The following MBD5 variants were observed in gnomAD, a reference collection of about 807,000 sequenced individuals.
The protein encoded by MBD5 is methyl-CpG-binding domain protein 5.
MBD5 carries 13 observed loss-of-function variants against 117.3 expected under a neutral mutation model. That is an observed-to-expected ratio of 0.11 (90% CI 0.07 to 0.18). The LOEUF (loss-of-function observed/expected upper bound fraction) is 0.18, where lower values mean the gene tolerates loss of function less well. Ranked by LOEUF, MBD5 falls within the 10% of genes least tolerant of loss-of-function variation. MBD5 has a pLI of 1.00. For missense variants in MBD5, 1,879 were observed against 2,093.8 expected, an observed-to-expected ratio of 0.90 and a Z score of 2.00; for synonymous variants, 727 against 766.4, an observed-to-expected ratio of 0.95 and a Z score of 0.85.
At chr2:148,067,114 G>A (rs1695220556) in intron 1 of MBD5, among the ~76,000 whole-genome samples, 1 of 152,144 alleles carries the variant, frequency 6.6e-6, no homozygotes, top group Non-Finnish European at 1.5e-5. Flanking sequence ...ACTAATTGAT[G>A]TTGATAAAAG....
At chr2:148,251,822 G>A (rs1700471968) in intron 3 of MBD5, among the ~76,000 whole-genome samples, 1 of 152,136 alleles carries the variant, frequency 6.6e-6, no homozygotes, top group African/African-American at 2.4e-5. Context: ...AAAAAGACAG[G>A]TCATTTTGAG....
At chr2:148,331,323 C>G (rs1016256080) in intron 3 of MBD5, among the ~76,000 whole-genome samples, 5 of 151,798 alleles carry the variant, frequency 3.3e-5, no homozygotes, top group African/African-American at 1.2e-4. Context: ...GTCCCCTGCT[C>G]TAAGCTTCCT....
At chr2:148,210,715 ATAACT>A (rs1443607180) in intron 2 of MBD5, among the ~76,000 whole-genome samples, 4 of 152,230 alleles carry the variant, frequency 2.6e-5, no homozygotes, top group Non-Finnish European at 4.4e-5. Flanking sequence ...ATTATAAAAA[ATAACT>A]TAGATGACTA....
intron 4 of MBD5, among the ~76,000 whole-genome samples, chr2:148,440,587 G>A: frequency 6.7e-6 from 1 of 150,058 alleles, no homozygotes; most frequent in East Asian, 2.0e-4. Context: ...AGTAAAAAAA[G>A]CAAGTTTTTT....
intron 13 of MBD5, among the ~76,000 whole-genome samples, chr2:148,512,549 A>G (rs1165918661): frequency 6.6e-6 from 1 of 152,190 alleles, no homozygotes; most frequent in Non-Finnish European, 1.5e-5. Flanking sequence ...TTTTTGTTTT[A>G]AATGGACAAT....
chr2:148,360,372 G>T (rs945658411), intron 4 of MBD5, among the ~76,000 whole-genome samples: 4 of 151,954 alleles, frequency 2.6e-5, no homozygotes, highest in Non-Finnish European at 4.4e-5. Context: ...TGACCATTCA[G>T]TGTGCACATA....
chr2:148,245,256 C>T (rs1001527285), intron 3 of MBD5, among the ~76,000 whole-genome samples: 1 of 149,982 alleles, frequency 6.7e-6, no homozygotes, highest in East Asian at 2.1e-4. Flanking sequence ...GACAGAGTCT[C>T]GCACTGTTGC....
At chr2:148,445,897 A>AT (rs1188845280) in intron 4 of MBD5, among the ~76,000 whole-genome samples, 2 of 151,098 alleles carry the variant, frequency 1.3e-5, no homozygotes, top group East Asian at 1.9e-4. Flanking sequence ...GATGATGAGC[A>AT]TTTTTTCATG....
chr2:148,260,198 C>T (rs190588768), intron 3 of MBD5, among the ~76,000 whole-genome samples: 64 of 152,358 alleles, frequency 4.2e-4, no homozygotes, highest in Non-Finnish European at 6.3e-4. Context: ...TCAATTCTCT[C>T]AAACCCTGCT....
At chr2:148,121,431 A>G (rs114033295) in intron 1 of MBD5, among the ~76,000 whole-genome samples, 1 of 151,814 alleles carries the variant, frequency 6.6e-6, no homozygotes, top group African/African-American at 2.4e-5. Flanking sequence ...TTTTACAATG[A>G]TATGCATTTC....
chr2:148,163,695 C>T (rs955717580), intron 1 of MBD5, among the ~76,000 whole-genome samples: 7 of 152,126 alleles, frequency 4.6e-5, no homozygotes, highest in Non-Finnish European at 1.0e-4. Flanking sequence ...GATTTACAGG[C>T]GTGAGCCACC....
chr2:148,439,683 A>C (rs1408976172), intron 4 of MBD5, among the ~76,000 whole-genome samples: 1 of 151,348 alleles, frequency 6.6e-6, no homozygotes. Flanking sequence ...CAGAAATGAC[A>C]TTGTTGATGA....
chr2:148,458,359 C>G lies in MBD5; in HGVS notation c.-400C>G, dbSNP rs556112772. ...ACCGACTCACACTGTAAAAATGAGA[C>G]CAGTTTCTAAACAATAGAGATTGTC... On this transcript the variant is annotated 5_prime_UTR_variant, in exon 5 of 14. Coordinates refer to ENST00000642680, the MANE Select transcript of MBD5 (RefSeq NM_001378120.1). 2 of 436,620 alleles carry G rather than the reference C, an allele frequency of 4.6e-6. No homozygotes were observed. The highest frequency in any genetic ancestry group is 8.1e-6 in the Non-Finnish European group (2 of 247,830). 27.0% of individuals were successfully genotyped at this position (436,620 alleles called of 1,614,324 possible). A position where few individuals can be genotyped will look rare whatever the true frequency, so the allele number is the denominator to read the frequency against.
chr2:148,412,567 A>G (rs957053672), intron 4 of MBD5, among the ~76,000 whole-genome samples: 10 of 151,932 alleles, frequency 6.6e-5, no homozygotes, highest in Admixed American at 6.6e-4. Context: ...CATCTTAATG[A>G]TATTGATTCT....
chr2:148,325,704 C>T (rs548130066), intron 3 of MBD5, among the ~76,000 whole-genome samples: 140 of 151,946 alleles, frequency 9.2e-4, no homozygotes, highest in African/African-American at 3.0e-3. Flanking sequence ...TTTTTTATTG[C>T]GTCTACTTGA....
At chr2:148,442,050 G>T (rs1706343190) in intron 4 of MBD5, among the ~76,000 whole-genome samples, 1 of 151,926 alleles carries the variant, frequency 6.6e-6, no homozygotes, top group Non-Finnish European at 1.5e-5. Flanking sequence ...CTCCTATTCT[G>T]TAGGTTGCCT....
At chr2:148,342,918 T>C (rs538459505) in intron 4 of MBD5, among the ~76,000 whole-genome samples, 55 of 152,064 alleles carry the variant, frequency 3.6e-4, no homozygotes, top group African/African-American at 1.3e-3. Flanking sequence ...CAACTCTTGC[T>C]CCCCCTTCCA....
intron 10 of MBD5, among the ~76,000 whole-genome samples, chr2:148,486,693 A>G (rs919552067): frequency 3.3e-5 from 5 of 152,242 alleles, no homozygotes; most frequent in Non-Finnish European, 7.3e-5. Context: ...ATGAACAGAC[A>G]ATTCACAGAA....
chr2:148,172,625 G>A (rs948424689), intron 1 of MBD5, among the ~76,000 whole-genome samples: 8 of 152,188 alleles, frequency 5.3e-5, no homozygotes, highest in Non-Finnish European at 1.0e-4. Context: ...CCCACCTTCA[G>A]ACTAAGGACA....
Sources: gnomAD v4.1 joint callset for allele counts (sites outside exome capture counted in the v4.1 genomes callset) on GRCh38, gnomAD v4.1.1 for gene constraint, MANE v1.5 for transcripts, NCBI Gene and HGNC (gene_info 2026-07-23, HGNC 2026-07-21) for gene names.